The following GALNT18 variants were observed in gnomAD, a reference collection of about 807,000 sequenced individuals.
GALNT18 encodes polypeptide N-acetylgalactosaminyltransferase 18, also known as GalNAc-transferase 18.
Under a neutral mutation model 69.5 loss-of-function variants are expected in GALNT18, and 44 were observed. That is an observed-to-expected ratio of 0.63 (90% confidence interval 0.50 to 0.81). The LOEUF is 0.81. Among genes scored for constraint, GALNT18 ranks in the 40% least tolerant of loss-of-function variants. The probability of loss-of-function intolerance (pLI) is 0.00; values close to 1 mark genes in which losing one functional copy is unlikely to be tolerated. For missense variants in GALNT18, 715 were observed against 810.0 expected (o/e 0.88, Z 1.42); for synonymous variants, 364 against 318.2 (o/e 1.14, Z -1.53).
rs1857438796 is a variant in GALNT18, at chr11:11,523,199, A to G, written c.236-74263T>C. Among the ~76,000 whole-genome samples the G allele has an allele frequency of 6.6e-6, 1 of 152,198 alleles. No homozygotes were observed. The highest frequency in any genetic ancestry group is 2.4e-5 in the African/African-American group (1 of 41,450). ...GCCACCCACAGACATTATGAACTTG[A>G]GAAAGTCATTTCACTTTCTTTCAAA... On this transcript the variant is annotated intron_variant, in intron 1 of 10. Transcript: ENST00000227756. The surrounding 1 kb of genome is among the most constrained non-coding windows in gnomAD (Gnocchi z 4.3).
chr11:11,536,914 C>T (rs1857785893), intron 1 of GALNT18, among the ~76,000 whole-genome samples: 1 of 152,234 alleles, frequency 6.6e-6, no homozygotes. Context: ...CAGGCAGCAC[C>T]ACTACCTAAG....
chr11:11,544,098 G>A (rs148559411), intron 1 of GALNT18, among the ~76,000 whole-genome samples: 32 of 152,326 alleles, frequency 2.1e-4, no homozygotes, highest in African/African-American at 7.7e-4. Flanking sequence ...ATGGCAGATG[G>A]GTCTAGCCAG....
Position 11,280,386 on chromosome 11 carries a change from C to G in GALNT18, c.1678-9096G>C, listed in dbSNP as rs573483180. ...TAATGGCCTCTGTGGCCATGGGACCCTTCAGCTCTGCTTGGCACCTCCAGG... is the reference window on the plus strand; with the variant it reads ...TAATGGCCTCTGTGGCCATGGGACCGTTCAGCTCTGCTTGGCACCTCCAGG... On this transcript the variant is annotated intron_variant, in intron 10 of 10. Transcript: ENST00000227756. Among the ~76,000 whole-genome samples, 32 of 152,248 alleles carry G rather than the reference C, an allele frequency of 2.1e-4. 1 individual carries two copies. Among genetic ancestry groups the G allele is most frequent in the African/African-American group, 7.5e-4 (31 of 41,540 alleles).
Position 11,326,757 on chromosome 11 carries a change from G to T in GALNT18, c.1512+329C>A, listed in dbSNP as rs116462962. On this transcript the variant is annotated intron_variant, in intron 9 of 10. Coordinates refer to ENST00000227756, the MANE Select transcript of GALNT18 (RefSeq NM_198516.3). Reference sequence around the variant, plus strand: ...ACTCTTGCTAGGGAGCAGCTTGGTTGTCAGAGCCAGAACTGTGATGTACCC... The same window carrying T: ...ACTCTTGCTAGGGAGCAGCTTGGTTTTCAGAGCCAGAACTGTGATGTACCC... Among the ~76,000 whole-genome samples the T allele has an allele frequency of 3.3e-3, 506 of 152,310 alleles. 3 individuals are homozygous for T. The highest frequency in any genetic ancestry group is 0.012 in the African/African-American group (488 of 41,568).
chr11:11,541,956 G>C lies in GALNT18; in HGVS notation c.235+79403C>G, dbSNP rs1476121963. Among the ~76,000 whole-genome samples the C allele has an allele frequency of 1.3e-5, 2 of 151,978 alleles. No homozygotes were observed. Among genetic ancestry groups the C allele is most frequent in the Non-Finnish European group, 2.9e-5 (2 of 68,002 alleles). ...TCACAGGCAAGGCAACTATAGACAC[G>C]AGCCAAACCCAGGAGGAGCTTCACC... On this transcript the variant is annotated intron_variant, in intron 1 of 10. Transcript: ENST00000227756. This position sits in a 1 kb window ranked among gnomAD's most constrained non-coding sequence, Gnocchi z 4.8.
chr11:11,548,040 G>C (rs996541005), intron 1 of GALNT18, among the ~76,000 whole-genome samples: 1 of 152,188 alleles, frequency 6.6e-6, no homozygotes, highest in Non-Finnish European at 1.5e-5. Context: ...TCCTTTGGTG[G>C]AAAGGGCTTG....
At chr11:11,457,640 G>A (rs938994876) in intron 1 of GALNT18, among the ~76,000 whole-genome samples, 6 of 152,306 alleles carry the variant, frequency 3.9e-5, no homozygotes, top group South Asian at 2.1e-4. Context: ...CCCCTGGCCC[G>A]CTGCCCAAGC....
chr11:11,366,034 C>A (rs1850761182), intron 6 of GALNT18, among the ~76,000 whole-genome samples: 1 of 152,192 alleles, frequency 6.6e-6, no homozygotes, highest in Admixed American at 6.5e-5. Flanking sequence ...GTGCCCAGTA[C>A]CCAGTGGTAG....
chr11:11,279,079 G>A (rs1213374819), intron 10 of GALNT18, among the ~76,000 whole-genome samples: 1 of 152,150 alleles, frequency 6.6e-6, no homozygotes, highest in Non-Finnish European at 1.5e-5. Context: ...CCATCCCCTT[G>A]GTGAGAAGTG....
chr11:11,414,379 G>A (rs1277708450), intron 3 of GALNT18, among the ~76,000 whole-genome samples: 2 of 152,296 alleles, frequency 1.3e-5, no homozygotes, highest in Non-Finnish European at 2.9e-5. Context: ...ACCATCTCAA[G>A]CCATCCTCCC....
intron 9 of GALNT18, among the ~76,000 whole-genome samples, chr11:11,304,726 T>C (rs889783042): frequency 6.6e-5 from 10 of 152,246 alleles, no homozygotes; most frequent in Admixed American, 1.3e-4. Flanking sequence ...AGATCATTAA[T>C]GCCAGACATG....
chr11:11,301,872 A>G (rs1158168621), intron 9 of GALNT18, among the ~76,000 whole-genome samples: 1 of 152,188 alleles, frequency 6.6e-6, no homozygotes, highest in African/African-American at 2.4e-5. Flanking sequence ...GATGGGTAGA[A>G]TATACTCATG....
rs78899839 is a variant in GALNT18 at position 11,592,810 on chromosome 11, A to T, written c.235+28549T>A. ...TCAAAGTATAAAGAGAAGGCAAGAT[A>T]TTCTGTCAATTTAACCAAGTCATTT... is the stretch of plus-strand genomic sequence containing the variant. On this transcript the variant is annotated intron_variant, in intron 1 of 10. Transcript: ENST00000227756. This position sits in a 1 kb window ranked among gnomAD's most constrained non-coding sequence, Gnocchi z 5.9. Among the ~76,000 whole-genome samples the T allele has an allele frequency of 7.5e-3, 1,144 of 152,342 alleles. 20 individuals carry two copies. The highest frequency in any genetic ancestry group is 0.026 in the African/African-American group (1,088 of 41,570).
At chr11:11,424,200 C>G (rs74897746) in intron 3 of GALNT18, among the ~76,000 whole-genome samples, 2 of 152,336 alleles carry the variant, frequency 1.3e-5, no homozygotes, top group East Asian at 3.9e-4. Flanking sequence ...TACGTTGGAC[C>G]TGCCATTTTA....
intron 2 of GALNT18, among the ~76,000 whole-genome samples, chr11:11,443,951 C>T (rs1855588329): frequency 6.6e-6 from 1 of 152,232 alleles, no homozygotes. Flanking sequence ...GTTGGAAAAA[C>T]TGGCACACTT....
intron 1 of GALNT18, among the ~76,000 whole-genome samples, chr11:11,508,765 T>C (rs1398501567): frequency 6.6e-6 from 1 of 152,202 alleles, no homozygotes; most frequent in Non-Finnish European, 1.5e-5. Flanking sequence ...TAGAACTCCA[T>C]TTCTAAAATG....
Position 11,285,715 on chromosome 11 carries a change from G to GT in GALNT18, c.1677+7313dup, listed in dbSNP as rs561402846. 5.4e-4 allele frequency among the ~76,000 whole-genome samples: 83 copies of GT among 152,356 alleles called. No homozygotes were observed. In the South Asian group the frequency reaches 0.017, roughly 31 times the overall value. ...CTTTTCAACACAAAAGGTTCTCAAA[G>GT]TTGGACTTGCTGACAGCACTTGGGG... On this transcript the variant is annotated intron_variant, in intron 10 of 10. Transcript: ENST00000227756.
chr11:11,341,077 C>T lies in GALNT18; in HGVS notation c.1093-73G>A. 1 of 1,432,728 alleles carries T rather than the reference C, an allele frequency of 7.0e-7. No homozygotes were observed. Among genetic ancestry groups the T allele is most frequent in the Admixed American group, 2.1e-5 (1 of 46,538 alleles). 88.8% of individuals were successfully genotyped at this position (1,432,728 alleles called of 1,614,324 possible). On this transcript the variant is annotated intron_variant, in intron 6 of 10. Transcript: ENST00000227756. The surrounding 1 kb of genome is among the most constrained non-coding windows in gnomAD (Gnocchi z 6.3). ...TTCTACACCAGGCCTCAGGCAGCCA[C>T]TTGACATGAGCAGGAAGAAAGTCAG...
rs1307075453 is a variant in GALNT18, at chr11:11,590,381, A to G, written c.235+30978T>C. On this transcript the variant is annotated intron_variant, in intron 1 of 10. Coordinates refer to ENST00000227756, the MANE Select transcript of GALNT18 (RefSeq NM_198516.3). The surrounding 1 kb of genome is among the most constrained non-coding windows in gnomAD (Gnocchi z 4.4). ...AAGGAAGGCTGCAGGCCCACAAGGA[A>G]CTTCCACATTGCTTGTTGGGTAAGT... 1.3e-5 allele frequency among the ~76,000 whole-genome samples: 2 copies of G among 152,162 alleles called. No homozygotes were observed. Among genetic ancestry groups the G allele is most frequent in the African/African-American group, 4.8e-5 (2 of 41,430 alleles).
Sources: allele counts gnomAD v4.1 joint callset (sites outside exome capture counted in the v4.1 genomes callset), GRCh38; gene constraint gnomAD v4.1.1; non-coding constraint Gnocchi (gnomAD v3.1); transcripts MANE v1.5; gene names NCBI Gene and HGNC (gene_info 2026-07-23, HGNC 2026-07-21).